XYLT1: variants seen among roughly 807,000 people sequenced by gnomAD.
XYLT1 encodes beta-D-xylosyltransferase 1.
XYLT1 carries 36 observed loss-of-function variants against 91.3 expected under a neutral mutation model. That is an observed-to-expected ratio of 0.39 (90% CI 0.30 to 0.52). XYLT1 has a LOEUF of 0.52. Ranked by LOEUF, XYLT1 falls within the 20% of genes least tolerant of loss-of-function variation. The pLI is 0.68. For synonymous variants in XYLT1, 588 were observed against 532.0 expected, an observed-to-expected ratio of 1.11 and a Z score of -1.45; for missense variants, 1,242 against 1,284.5, an observed-to-expected ratio of 0.97 and a Z score of 0.51.
intron 1 of XYLT1, among the ~76,000 whole-genome samples, chr16:17,423,962 G>A (rs185718591): frequency 2.8e-4 from 42 of 152,238 alleles, no homozygotes; most frequent in African/African-American, 1.0e-3. Flanking sequence ...GTATAAGCAA[G>A]TCCTATAGCA....
chr16:17,298,546 G>A (rs1160733225), intron 2 of XYLT1, among the ~76,000 whole-genome samples: 2 of 152,166 alleles, frequency 1.3e-5, no homozygotes, highest in Admixed American at 6.5e-5. Flanking sequence ...TAAAGTCTCT[G>A]TGAAGCGTAA....
chr16:17,135,138 A>G (rs1279545648), intron 8 of XYLT1, among the ~76,000 whole-genome samples: 1 of 151,186 alleles, frequency 6.6e-6, no homozygotes, highest in African/African-American at 2.5e-5. Flanking sequence ...TTAAAACATG[A>G]AAGAGTTCAC....
At chr16:17,301,952 C>T (rs2034402177) in intron 2 of XYLT1, among the ~76,000 whole-genome samples, 2 of 152,104 alleles carry the variant, frequency 1.3e-5, no homozygotes, top group African/African-American at 4.8e-5. Context: ...TGGCTCATGC[C>T]TGTAATCTCA....
At chr16:17,154,377 A>G (rs1052761062) in intron 6 of XYLT1, among the ~76,000 whole-genome samples, 4 of 149,004 alleles carry the variant, frequency 2.7e-5, no homozygotes, top group Non-Finnish European at 4.4e-5. Context: ...TAGATCAACC[A>G]GGGAAGGAAA....
rs1047727049 is a variant in XYLT1, at chr16:17,108,869, C to A, written c.2706G>T (p.Leu902=). ...CCACCAACGAGTCCAGCCATCCCTC[C>A]AGCGCTGTGCCCGTGGAGGCTGCGT... ...RRNAASTGTA[L]EGWLDSLVGG... The change falls in exon 12 of 12, where the codon CTG becomes CTT. Residue 902 remains leucine (L), a synonymous_variant. Transcript: ENST00000261381. 3.1e-6 allele frequency: 5 copies of A among 1,612,548 alleles called. No homozygotes were observed. The highest frequency in any genetic ancestry group is 4.2e-6 in the Non-Finnish European group (5 of 1,179,304).
chr16:17,317,760 T>C (rs2034658218), intron 2 of XYLT1, among the ~76,000 whole-genome samples: 1 of 149,954 alleles, frequency 6.7e-6, no homozygotes, highest in Admixed American at 6.7e-5. Context: ...CTCCTTATCA[T>C]AGCCTATGAT....
intron 2 of XYLT1, among the ~76,000 whole-genome samples, chr16:17,280,991 G>T (rs2034047747): frequency 6.6e-6 from 1 of 152,212 alleles, no homozygotes; most frequent in Non-Finnish European, 1.5e-5. Flanking sequence ...CCACACGGGA[G>T]ATACTGGTTT....
At chr16:17,304,041 T>C (rs778846663) in intron 2 of XYLT1, among the ~76,000 whole-genome samples, 5 of 151,970 alleles carry the variant, frequency 3.3e-5, no homozygotes, top group Admixed American at 6.6e-5. Flanking sequence ...ATATATATGA[T>C]AGTTCATAAG....
intron 2 of XYLT1, among the ~76,000 whole-genome samples, chr16:17,279,225 C>T (rs1166934465): frequency 1.3e-5 from 2 of 152,278 alleles, no homozygotes; most frequent in Non-Finnish European, 1.5e-5. Context: ...TTAGCCGTGC[C>T]GTTTTGAAGC....
At chr16:17,283,433 A>AT (rs2034087179) in intron 2 of XYLT1, among the ~76,000 whole-genome samples, 1 of 152,186 alleles carries the variant, frequency 6.6e-6, no homozygotes, top group Non-Finnish European at 1.5e-5. Flanking sequence ...CAAACACAGC[A>AT]AAGTCCAGGT....
chr16:17,275,332 T>C lies in XYLT1; in HGVS notation c.403-15834A>G, dbSNP rs532873908. Among the ~76,000 whole-genome samples the C allele has an allele frequency of 1.2e-4, 18 of 152,328 alleles. No homozygotes were observed. The East Asian group carries it at 2.1e-3, about 18-fold the overall frequency. Reference sequence around the variant, plus strand: ...ACAGCATGGTTATAAACTTACATTGTTACTCCTGTGGGCTGTTAACAACTA... The same window carrying C: ...ACAGCATGGTTATAAACTTACATTGCTACTCCTGTGGGCTGTTAACAACTA... On this transcript the variant is annotated intron_variant, in intron 2 of 11. Coordinates refer to ENST00000261381, the MANE Select transcript of XYLT1 (RefSeq NM_022166.4).
chr16:17,371,293 G>A (rs2035529078), intron 1 of XYLT1, among the ~76,000 whole-genome samples: 1 of 152,182 alleles, frequency 6.6e-6, no homozygotes, highest in Non-Finnish European at 1.5e-5. Flanking sequence ...GCTTAATGAA[G>A]TCCTAAGACT....
rs543354343 is a variant in XYLT1 at position 17,436,707 on chromosome 16, T to C, written c.363+33727A>G. Among the ~76,000 whole-genome samples, 228 of 152,208 alleles carry C rather than the reference T, an allele frequency of 1.5e-3. 2 individuals carry two copies. Among genetic ancestry groups the C allele is most frequent in the Non-Finnish European group, 1.8e-3 (125 of 68,036 alleles). ...CCAGAGAGCTAAGACATGACCTCAA[T>C]ACAATATGATTAAATGAGATGCAGT... On this transcript the variant is annotated intron_variant, in intron 1 of 11. Coordinates refer to ENST00000261381, the MANE Select transcript of XYLT1 (RefSeq NM_022166.4).
At position 17,259,022 on chromosome 16, in the gene XYLT1, C is replaced by T. The variant is rs1467047917; in HGVS notation, c.879G>A (p.Met293Ile). Reference protein sequence around the residue: ...TYCRHKLGLLMPEKVTRFCPL... With the variant: ...TYCRHKLGLLIPEKVTRFCPL... ...GGCAGAACCGAGTCACCTTCTCAGG[C>T]ATCAGCAGCCCTAACTTGTGGCGGC... Residue 293 changes from methionine to isoleucine, a missense_variant, in exon 3 of 12, where the codon ATG becomes ATA. Physicochemically the swap from Met to Ile is conservative, Grantham distance 10. Coordinates refer to ENST00000261381, the MANE Select transcript of XYLT1 (RefSeq NM_022166.4). 10 of 1,510,700 alleles carry T rather than the reference C, an allele frequency of 6.6e-6. No homozygotes were observed. Among genetic ancestry groups the T allele is most frequent in the Non-Finnish European group, 8.9e-6 (10 of 1,129,556 alleles). The allele number at this position is 1,510,700 out of a possible 1,614,324, so 93.6% of individuals were successfully genotyped here. A position where few individuals can be genotyped will look rare whatever the true frequency, so the allele number is the denominator to read the frequency against.
intron 2 of XYLT1, among the ~76,000 whole-genome samples, chr16:17,347,514 G>A (rs978240276): frequency 2.6e-5 from 4 of 152,270 alleles, no homozygotes; most frequent in Admixed American, 2.6e-4. Context: ...TCAGTTTTGG[G>A]GGACAGTTTT....
chr16:17,272,153 GTTTTTTTTTTTTT>G (rs35561235), intron 2 of XYLT1, among the ~76,000 whole-genome samples: 4 of 80,312 alleles, frequency 5.0e-5, no homozygotes, highest in East Asian at 3.0e-4. Context: ...TTTGTTGTTG[GTTTTTTTTTTTTT>G]TTTTTTTTTT....
intron 2 of XYLT1, among the ~76,000 whole-genome samples, chr16:17,287,014 T>C (rs778192162): frequency 2.0e-5 from 3 of 152,108 alleles, no homozygotes; most frequent in Non-Finnish European, 2.9e-5. Flanking sequence ...ATAAAAAAGA[T>C]TCCCCTTACT....
chr16:17,444,338 T>C (rs2036567553), intron 1 of XYLT1, among the ~76,000 whole-genome samples: 2 of 152,158 alleles, frequency 1.3e-5, no homozygotes. Context: ...TTCTATCTTG[T>C]TCACTACTTT....
chr16:17,290,371 A>G (rs1360182267), intron 2 of XYLT1, among the ~76,000 whole-genome samples: 1 of 152,260 alleles, frequency 6.6e-6, no homozygotes, highest in Non-Finnish European at 1.5e-5. Context: ...TTACGGTTAA[A>G]TTCTATTTCC....
Sources: allele counts gnomAD v4.1 joint callset (sites outside exome capture counted in the v4.1 genomes callset), GRCh38; gene constraint gnomAD v4.1.1; transcripts MANE v1.5; gene names NCBI Gene and HGNC (gene_info 2026-07-23, HGNC 2026-07-21).